Variants in PHACTR2 observed in about 807,000 individuals in gnomAD.
The protein encoded by PHACTR2 is chromosome 6 open reading frame 56.
Under a neutral mutation model 76.0 loss-of-function variants are expected in PHACTR2, and 30 were observed. That is an observed-to-expected ratio of 0.39 (90% CI 0.30 to 0.54). The LOEUF (loss-of-function observed/expected upper bound fraction) is 0.54. PHACTR2 is among the 20% of genes least tolerant of loss of function. The probability of loss-of-function intolerance (pLI) is 0.61; values close to 1 mark genes in which losing one functional copy is unlikely to be tolerated. For missense variants in PHACTR2, 696 were observed against 781.1 expected, an observed-to-expected ratio of 0.89 and a Z score of 1.30; for synonymous variants, 292 against 292.5, an observed-to-expected ratio of 1.00 and a Z score of 0.02.
At position 143,783,154 on chromosome 6, in the gene PHACTR2, C is replaced by T; in HGVS notation, c.1646-65C>T. The T allele has an allele frequency of 5.2e-6, 5 of 961,202 alleles. No individual in the cohort carries two copies. The highest frequency in any genetic ancestry group is 8.3e-6 in the Non-Finnish European group (5 of 600,982). 59.5% of individuals were successfully genotyped at this position (961,202 alleles called of 1,614,324 possible). On this transcript the variant is annotated intron_variant, in intron 9 of 12. Coordinates refer to ENST00000440869, the MANE Select transcript of PHACTR2 (RefSeq NM_001100164.2). The surrounding 1 kb of genome is among the most constrained non-coding windows in gnomAD (Gnocchi z 5.2). ...AGAGTCACATGATCGTGGCCTGATACACTTTTCTGAATATGAAATCATCTA... is the reference window on the plus strand; with the variant it reads ...AGAGTCACATGATCGTGGCCTGATATACTTTTCTGAATATGAAATCATCTA...
chr6:143,758,568 C>A lies in PHACTR2; in HGVS notation c.455-1833C>A, dbSNP rs560846553. Reference sequence around the variant, plus strand: ...GATTTACTTGCCTGGTTAAGACTGGCTGAGTTAAGAGGGCCATTACTATTA... The same window carrying A: ...GATTTACTTGCCTGGTTAAGACTGGATGAGTTAAGAGGGCCATTACTATTA... On this transcript the variant is annotated intron_variant, in intron 4 of 12. Coordinates refer to ENST00000440869, the MANE Select transcript of PHACTR2 (RefSeq NM_001100164.2). Among the ~76,000 whole-genome samples the A allele has an allele frequency of 2.6e-5, 4 of 152,258 alleles. No individual in the cohort carries two copies. The South Asian group carries it at 8.3e-4, about 32-fold the overall frequency.
Position 143,666,454 on chromosome 6 carries a change from G to A in PHACTR2, c.14-45562G>A, listed in dbSNP as rs777824305. ...TCTAGATCCTTGAAGAATCACCACA[G>A]TGTCTTCCACAATGTTTGAACTAAT... is the stretch of plus-strand genomic sequence containing the variant. On this transcript the variant is annotated intron_variant, in intron 1 of 11. Coordinates refer to the PHACTR2 transcript ENST00000305766. Among the ~76,000 whole-genome samples the A allele has an allele frequency of 1.8e-4, 28 of 152,188 alleles. 2 individuals are homozygous for A. Among genetic ancestry groups the A allele is most frequent in the Non-Finnish European group, 1.0e-4 (7 of 68,038 alleles).
intron 1 of PHACTR2, among the ~76,000 whole-genome samples, chr6:143,559,164 C>G (rs902583799): frequency 6.6e-6 from 1 of 152,208 alleles, no homozygotes; most frequent in Non-Finnish European, 1.5e-5. Context: ...GATGACTCTT[C>G]CAATAGAGCA....
Position 143,722,364 on chromosome 6 carries a change from G to C in PHACTR2, c.214+10181G>C, listed in dbSNP as rs1008550828. On this transcript the variant is annotated intron_variant, in intron 2 of 12. Coordinates refer to ENST00000440869, the MANE Select transcript of PHACTR2 (RefSeq NM_001100164.2). This position sits in a 1 kb window ranked among gnomAD's most constrained non-coding sequence, Gnocchi z 4.1. ...TGGCCACTGTCCTCCATGATATCTG[G>C]TTTTATACCATTTTGTGGGTGTTTT... is the stretch of plus-strand genomic sequence containing the variant. Among the ~76,000 whole-genome samples, 2 of 151,730 alleles carry C rather than the reference G, an allele frequency of 1.3e-5. No individual in the cohort carries two copies. Among genetic ancestry groups the C allele is most frequent in the Non-Finnish European group, 2.9e-5 (2 of 67,934 alleles).
rs1218060943 is a variant in PHACTR2, at chr6:143,806,576, A to G, written c.1846-481A>G. Among the ~76,000 whole-genome samples, 1 of 151,908 alleles carries G rather than the reference A, an allele frequency of 6.6e-6. No individual in the cohort carries two copies. Among genetic ancestry groups the G allele is most frequent in the African/African-American group, 2.4e-5 (1 of 41,316 alleles). ...ATGAGTTTAGCAAAGGCCCGCTCCC[A>G]CTCCCTCTTGCCAATGGCACTTGAA... On this transcript the variant is annotated intron_variant, in intron 11 of 12. Coordinates refer to ENST00000440869, the MANE Select transcript of PHACTR2 (RefSeq NM_001100164.2). This position sits in a 1 kb window ranked among gnomAD's most constrained non-coding sequence, Gnocchi z 5.8.
chr6:143,684,457 A>G lies in PHACTR2; in HGVS notation c.46+6248A>G, dbSNP rs75903191. On this transcript the variant is annotated intron_variant, in intron 1 of 12. Transcript: ENST00000440869. The surrounding 1 kb of genome is among the most constrained non-coding windows in gnomAD (Gnocchi z 4.3). ...TCTTCTGTCTGTCCCTACTGCCACT[A>G]TCCAAGCTCTGAGGCCATCCATTAC... Among the ~76,000 whole-genome samples the G allele has an allele frequency of 1.6e-3, 237 of 152,276 alleles. 3 individuals carry two copies. In the East Asian group the frequency reaches 0.024, roughly 15 times the overall value.
rs1775932588 is a variant in PHACTR2, at chr6:143,800,663, T to C, written c.1846-6394T>C. ...ACTCTTTATCCAATTTGCCAATCTG[T>C]GTCTTTTAATTGGGGCATTTAGCCC... On this transcript the variant is annotated intron_variant, in intron 11 of 12. Coordinates refer to ENST00000440869, the MANE Select transcript of PHACTR2 (RefSeq NM_001100164.2). This position sits in a 1 kb window ranked among gnomAD's most constrained non-coding sequence, Gnocchi z 4.8. Among the ~76,000 whole-genome samples, 1 of 152,232 alleles carries C rather than the reference T, an allele frequency of 6.6e-6. No individual in the cohort carries two copies. The highest frequency in any genetic ancestry group is 2.4e-5 in the African/African-American group (1 of 41,464).
At chr6:143,626,498 C>A (rs1201770741) in intron 1 of PHACTR2, among the ~76,000 whole-genome samples, 1 of 141,622 alleles carries the variant, frequency 7.1e-6, no homozygotes, top group Non-Finnish European at 1.5e-5. Flanking sequence ...GATTGCGCCA[C>A]TGCAGTCCAT....
rs1293021747 is a variant in PHACTR2, at chr6:143,625,816, A to G, written c.13+17494A>G. ...GCTTACATTCTATTGAAGCCAACAGACAGTGACCAGATCAACAAGTAAATG... is the reference window on the plus strand; with the variant it reads ...GCTTACATTCTATTGAAGCCAACAGGCAGTGACCAGATCAACAAGTAAATG... On this transcript the variant is annotated intron_variant, in intron 1 of 11. Coordinates refer to the PHACTR2 transcript ENST00000305766. The surrounding 1 kb of genome is among the most constrained non-coding windows in gnomAD (Gnocchi z 4.3). 6.6e-6 allele frequency among the ~76,000 whole-genome samples: 1 copy of G among 152,244 alleles called. No homozygotes were observed. The highest frequency in any genetic ancestry group is 1.5e-5 in the Non-Finnish European group (1 of 68,036).
At chr6:143,725,973 A>G (rs1265258053) in intron 2 of PHACTR2, among the ~76,000 whole-genome samples, 2 of 152,208 alleles carry the variant, frequency 1.3e-5, no homozygotes, top group African/African-American at 4.8e-5. Flanking sequence ...ATAGTATTTC[A>G]TGGAATAGAT....
At chr6:143,771,209 T>C (rs181663938) in intron 6 of PHACTR2, among the ~76,000 whole-genome samples, 9,922 of 81,936 alleles carry the variant, frequency 0.12, 1,041 homozygotes, top group East Asian at 0.22. Context: ...TATATATATA[T>C]ATATATATAT....
Position 143,648,620 on chromosome 6 carries a change from C to T in PHACTR2, c.13+40298C>T, listed in dbSNP as rs985546780. On this transcript the variant is annotated intron_variant, in intron 1 of 11. Transcript: ENST00000305766. The surrounding 1 kb of genome is among the most constrained non-coding windows in gnomAD (Gnocchi z 6.7). ...CTGAGGTAGGAAGGAATGAAGAGCCCGGGAGGTTTAAAGTGCTCTGAAGCA... is the reference window on the plus strand; with the variant it reads ...CTGAGGTAGGAAGGAATGAAGAGCCTGGGAGGTTTAAAGTGCTCTGAAGCA... 6.6e-6 allele frequency among the ~76,000 whole-genome samples: 1 copy of T among 152,056 alleles called. No homozygotes were observed. The highest frequency in any genetic ancestry group is 2.4e-5 in the African/African-American group (1 of 41,400).
intron 1 of PHACTR2, among the ~76,000 whole-genome samples, chr6:143,567,329 T>A (rs1775377425): frequency 6.6e-6 from 1 of 152,202 alleles, no homozygotes; most frequent in Non-Finnish European, 1.5e-5. Context: ...CACTTTCTCC[T>A]ATAGTTTTCT....
chr6:143,536,911 G>T lies in PHACTR2; in HGVS notation c.-80G>T. ...CGCTGCCTCCGGGTCGCGGCGCGCG[G>T]GGCAGAGCCGGGCAGCAGCGGGCAG... On this transcript the variant is annotated 5_prime_UTR_variant, in exon 1 of 12. Transcript: ENST00000367584. The surrounding 1 kb of genome is among the most constrained non-coding windows in gnomAD (Gnocchi z 5.4). 6.6e-6 allele frequency: 1 copy of T among 152,614 alleles called. No individual in the cohort carries two copies. Among genetic ancestry groups the T allele is most frequent in the South Asian group, 2.0e-4 (1 of 5,020 alleles). 9.5% of individuals were successfully genotyped at this position (152,614 alleles called of 1,614,324 possible).
At chr6:143,675,676 GAGTT>G (rs1428456818), upstream of PHACTR2, among the ~76,000 whole-genome samples, 1 of 152,200 alleles carries the variant, frequency 6.6e-6, no homozygotes, top group Non-Finnish European at 1.5e-5. This position sits in a 1 kb window ranked among gnomAD's most constrained non-coding sequence, Gnocchi z 4.9. Context: ...AGCTTCCTCA[GAGTT>G]AGGTATTGGG....
At chr6:143,649,443 A>T (rs1776718086) in intron 1 of PHACTR2, among the ~76,000 whole-genome samples, 1 of 152,226 alleles carries the variant, frequency 6.6e-6, no homozygotes, top group African/African-American at 2.4e-5. Context: ...AAAATCCTCA[A>T]CAAAATACTG....
In PHACTR2 at chr6:143,827,573, T is replaced by C. The variant is rs1776574384; in HGVS notation, c.*3884T>C. ...AATTCATGTCATTTACCCCTGAGTA[T>C]GGTAGAATTGTTAAAGCATTCTTAA... is the stretch of plus-strand genomic sequence containing the variant. On this transcript the variant is annotated 3_prime_UTR_variant, in exon 13 of 13. Coordinates refer to ENST00000440869, the MANE Select transcript of PHACTR2 (RefSeq NM_001100164.2). 1 of 152,146 alleles carries C rather than the reference T, an allele frequency of 6.6e-6. No individual in the cohort carries two copies. The highest frequency in any genetic ancestry group is 1.5e-5 in the Non-Finnish European group (1 of 68,020). 9.4% of individuals were successfully genotyped at this position (152,146 alleles called of 1,614,324 possible).
At position 143,578,775 on chromosome 6, in the gene PHACTR2, C is replaced by T. The variant is rs1775542389; in HGVS notation, c.217+41568C>T. On this transcript the variant is annotated intron_variant, in intron 1 of 11. Transcript: ENST00000367584. This position sits in a 1 kb window ranked among gnomAD's most constrained non-coding sequence, Gnocchi z 4.5. ...AGACCTTGGTGAAGAAGAAAGGAGT[C>T]AGAAGTGAAAGCAGCTCAAAGATGA... is the stretch of plus-strand genomic sequence containing the variant. 6.6e-6 allele frequency among the ~76,000 whole-genome samples: 1 copy of T among 151,978 alleles called. No homozygotes were observed. The highest frequency in any genetic ancestry group is 2.4e-5 in the African/African-American group (1 of 41,376).
chr6:143,587,116 G>T (rs910865134), intron 1 of PHACTR2, among the ~76,000 whole-genome samples: 2 of 152,118 alleles, frequency 1.3e-5, no homozygotes, highest in Non-Finnish European at 2.9e-5. Context: ...ACATAAACAC[G>T]CTCTTTGAGG....
Sources: allele counts gnomAD v4.1 joint callset (sites outside exome capture counted in the v4.1 genomes callset), GRCh38; gene constraint gnomAD v4.1.1; non-coding constraint Gnocchi (gnomAD v3.1); transcripts MANE v1.5; gene names NCBI Gene and HGNC (gene_info 2026-07-23, HGNC 2026-07-21).